The following RAD54B variants were observed in gnomAD, a reference collection of about 807,000 sequenced individuals.
RAD54B encodes DNA repair and recombination protein RAD54B.
RAD54B carries 78 observed loss-of-function variants against 95.8 expected under a neutral mutation model. The ratio of observed to expected loss-of-function variants is 0.81; its 90% CI spans 0.68 to 0.98. The LOEUF is 0.98. RAD54B is among the 50% of genes least tolerant of loss of function. The pLI is 0.00. For missense variants in RAD54B, 957 were observed against 1,056.6 expected (o/e 0.91, Z 1.31); for synonymous variants, 328 against 354.9 (o/e 0.92, Z 0.85).
intron 1 of RAD54B, among the ~76,000 whole-genome samples, chr8:94,472,308 C>G (rs1165479073): frequency 1.3e-5 from 2 of 152,150 alleles, no homozygotes; most frequent in Non-Finnish European, 2.9e-5. Flanking sequence ...CAGAATACTA[C>G]AGGCCTCTAA....
chr8:94,397,145 C>T (rs566261824), intron 8 of RAD54B, among the ~76,000 whole-genome samples: 3 of 152,166 alleles, frequency 2.0e-5, no homozygotes, highest in South Asian at 4.1e-4. Flanking sequence ...CTCCACAGCA[C>T]TGGGCTAGAT....
Position 94,404,262 on chromosome 8 carries a change from A to G in RAD54B, c.782-23T>C, listed in dbSNP as rs755523268. 11 of 1,545,066 alleles carry G rather than the reference A, an allele frequency of 7.1e-6. No homozygotes were observed. In the Admixed American group the frequency reaches 2.2e-4, roughly 31 times the overall value. ...AATCTTAAAAAATGATAAAAGTACA[A>G]GTATTGTAATTTCACTTTTTCAGCA... is the stretch of plus-strand genomic sequence containing the variant. On this transcript the variant is annotated intron_variant, in intron 5 of 14. Transcript: ENST00000336148.
intron 3 of RAD54B, among the ~76,000 whole-genome samples, chr8:94,449,005 T>C (rs1487911356): frequency 6.6e-6 from 1 of 151,626 alleles, no homozygotes. Flanking sequence ...ACTGTCTCTA[T>C]ATATGTACGT....
In RAD54B at chr8:94,372,208, T is replaced by C. The variant is rs150017319; in HGVS notation, c.2695A>G (p.Ile899Val). The C allele has an allele frequency of 7.9e-4, 1,278 of 1,611,220 alleles. 4 individuals are homozygous for C. The highest frequency in any genetic ancestry group is 2.0e-3 in the Middle Eastern group (12 of 6,042). Residue 899 changes from isoleucine to valine, a missense_variant, in exon 15 of 15, where the codon ATT becomes GTT. Transcript: ENST00000336148. ...GCTTGAGTGGTTATATTCTGAAAAA[T>C]GAATGACACATTTTCTGTTATTCTT... is the stretch of plus-strand genomic sequence containing the variant. ...LERITENVSFIFQNITTQATG... is the reference protein window; with the variant it reads ...LERITENVSFVFQNITTQATG...
intron 3 of RAD54B, among the ~76,000 whole-genome samples, chr8:94,454,907 T>TG (rs1812746295): frequency 6.6e-6 from 1 of 152,126 alleles, no homozygotes; most frequent in African/African-American, 2.4e-5. Context: ...TTAAGAAACA[T>TG]TTAGCTAACT....
intron 3 of RAD54B, chr8:94,428,185 A>G (rs909627514): frequency 7.1e-6 from 6 of 845,038 alleles, no homozygotes; most frequent in Non-Finnish European, 8.5e-6. Flanking sequence ...GAAATAATCT[A>G]TATACTTAGT....
Position 94,391,631 on chromosome 8 carries a change from C to G in RAD54B, c.1787G>C (p.Cys596Ser), listed in dbSNP as rs781258984. The G allele has an allele frequency of 6.2e-7, 1 of 1,613,536 alleles. No individual in the cohort carries two copies. Among genetic ancestry groups the G allele is most frequent in the Non-Finnish European group, 8.5e-7 (1 of 1,179,878 alleles). ...TACCTTTATAGAGTTGAACAAAAGGCAGGGGTGATTGCACAGTTTTTTAAG... is the reference window on the plus strand; with the variant it reads ...TACCTTTATAGAGTTGAACAAAAGGGAGGGGTGATTGCACAGTTTTTTAAG... ...GALKKLCNHP[C>S]LLFNSIKEKE... Residue 596 changes from cysteine to serine, a missense_variant, in exon 10 of 15, where the codon TGC becomes TCC. Physicochemically the swap from Cys to Ser is moderately radical, Grantham distance 112 (BLOSUM62 -1). Coordinates refer to ENST00000336148, the MANE Select transcript of RAD54B (RefSeq NM_012415.3).
intron 1 of RAD54B, among the ~76,000 whole-genome samples, chr8:94,473,292 G>A (rs1813211973): frequency 6.6e-6 from 1 of 152,182 alleles, no homozygotes; most frequent in African/African-American, 2.4e-5. Context: ...GTAAGGCCAA[G>A]CTGACAACTG....
At chr8:94,419,452 G>T (rs1811750812) in intron 3 of RAD54B, among the ~76,000 whole-genome samples, 1 of 152,096 alleles carries the variant, frequency 6.6e-6, no homozygotes, top group African/African-American at 2.4e-5. Flanking sequence ...AGGTTGCAGT[G>T]AGCCGAGATC....
At chr8:94,427,179 G>T (rs897931937) in intron 3 of RAD54B, among the ~76,000 whole-genome samples, 2 of 152,004 alleles carry the variant, frequency 1.3e-5, no homozygotes, top group Non-Finnish European at 2.9e-5. Context: ...TAGCAAAGTG[G>T]AATTATAATG....
At chr8:94,373,581 C>T (rs187057634) in intron 14 of RAD54B, among the ~76,000 whole-genome samples, 1 of 152,346 alleles carries the variant, frequency 6.6e-6, no homozygotes, top group East Asian at 1.9e-4. Context: ...AACCCTGGAT[C>T]ACGAAATTAC....
intron 8 of RAD54B, among the ~76,000 whole-genome samples, chr8:94,394,489 G>A (rs914403039): frequency 6.6e-6 from 1 of 151,930 alleles, no homozygotes; most frequent in Non-Finnish European, 1.5e-5. Context: ...TGGATATGAA[G>A]TACCCAGCAA....
At chr8:94,428,737 T>C in intron 3 of RAD54B, 2 of 982,438 alleles carry the variant, frequency 2.0e-6, no homozygotes, top group Non-Finnish European at 2.4e-6. Flanking sequence ...CAAGTGTACA[T>C]TCCATTGTAC....
chr8:94,392,843 G>GT (rs747421771), intron 9 of RAD54B, among the ~76,000 whole-genome samples: 2,383 of 90,374 alleles, frequency 0.026, 45 homozygotes, highest in African/African-American at 0.065. Context: ...TTTTAGTTTT[G>GT]TTTTTTTTTT....
intron 3 of RAD54B, among the ~76,000 whole-genome samples, chr8:94,455,478 A>C (rs181563580): frequency 1.3e-5 from 2 of 152,368 alleles, no homozygotes; most frequent in East Asian, 3.8e-4. Context: ...AAGATGGCAT[A>C]GTCTCCTCTC....
intron 3 of RAD54B, chr8:94,431,747 C>A: frequency 5.0e-6 from 5 of 995,680 alleles, no homozygotes; most frequent in Non-Finnish European, 6.0e-6. Flanking sequence ...TAGTATAGCT[C>A]CTAAATTAGA....
chr8:94,467,222 C>T (rs1437880166), intron 2 of RAD54B, among the ~76,000 whole-genome samples, 183 bp downstream of exon 2: 4 of 152,150 alleles, frequency 2.6e-5, no homozygotes, highest in Non-Finnish European at 5.9e-5. Flanking sequence ...GCCACTGTGC[C>T]CAGCCTGTTA....
intron 3 of RAD54B, among the ~76,000 whole-genome samples, chr8:94,416,739 T>G (rs1040074762): frequency 6.6e-6 from 1 of 152,112 alleles, no homozygotes; most frequent in African/African-American, 2.4e-5. Context: ...TAAACAAGTG[T>G]GATGCGTATG....
intron 3 of RAD54B, chr8:94,431,791 G>C: frequency 1.0e-6 from 1 of 1,003,726 alleles, no homozygotes; most frequent in Non-Finnish European, 1.2e-6. Context: ...AGCTTTCAAA[G>C]TTCTAACTAA....
Sources: allele counts gnomAD v4.1 joint callset (sites outside exome capture counted in the v4.1 genomes callset), GRCh38; gene constraint gnomAD v4.1.1; transcripts MANE v1.5; gene names NCBI Gene and HGNC (gene_info 2026-07-23, HGNC 2026-07-21).